Variants in SLURP2 observed in about 807,000 individuals in gnomAD.
The protein encoded by SLURP2 is secreted LY6/PLAUR domain containing 2.
In SLURP2, 4 loss-of-function variants were observed where a neutral mutation model predicts 9.8. The ratio of observed to expected loss-of-function variants is 0.41; its 90% CI spans 0.20 to 0.94. The LOEUF (loss-of-function observed/expected upper bound fraction) is 0.94, where lower values mean the gene tolerates loss of function less well. SLURP2 is among the 40% of genes least tolerant of loss of function. The pLI is 0.32. For missense variants in SLURP2, 118 were observed against 126.4 expected (o/e 0.93, Z 0.32); for synonymous variants, 58 against 56.2 (o/e 1.03, Z -0.15).
chr8:142,764,448 C>A lies in SLURP2; in HGVS notation c.*157G>T. ...GGCAGCAGATTGAGGCAAGACTCCA[C>A]GCAGGACTTCCCTAGGACAAGCGGT... On this transcript the variant is annotated 3_prime_UTR_variant, in exon 3 of 3. Coordinates refer to ENST00000317543, the MANE Select transcript of SLURP2 (RefSeq NM_177458.3). The A allele has an allele frequency of 1.2e-6, 1 of 824,402 alleles. No homozygotes were observed. Among genetic ancestry groups the A allele is most frequent in the Non-Finnish European group, 2.0e-6 (1 of 499,156 alleles). The allele number at this position is 824,402 out of a possible 1,614,324, so 51.1% of individuals were successfully genotyped here.
rs1346856667 is a variant in SLURP2, at chr8:142,764,560, G to C, written c.*45C>G. 6.3e-7 allele frequency: 1 copy of C among 1,587,582 alleles called. No homozygotes were observed. Among genetic ancestry groups the C allele is most frequent in the African/African-American group, 1.4e-5 (1 of 73,468 alleles). On this transcript the variant is annotated 3_prime_UTR_variant, in exon 3 of 3. Transcript: ENST00000317543. The stretch of plus-strand genomic sequence containing the variant: ...TGTGAGCCCTGGCGCCAGGCTGTGG[G>C]GGCTGTGGGGGCTGAGCGTCCGGGG...
chr8:142,764,765 TG>T, intron 2 of SLURP2, 24 bp from the exon 3 acceptor site: 1 of 1,610,816 alleles, frequency 6.2e-7, no homozygotes, highest in Non-Finnish European at 8.5e-7. Flanking sequence ...AGAGAAACCA[TG>T]GAGCTCCCTG....
intron 1 of SLURP2, 57 bp downstream of exon 1, chr8:142,769,698 G>A (rs1335937000): frequency 1.1e-5 from 16 of 1,509,442 alleles, no homozygotes; most frequent in Non-Finnish European, 1.3e-5. Flanking sequence ...AGGGACGGTG[G>A]TTGGGCTAGA....
In SLURP2 at chr8:142,765,037, G is replaced by C; in HGVS notation, c.156C>G (p.Thr52=). 1 of 1,609,078 alleles carries C rather than the reference G, an allele frequency of 6.2e-7. No individual in the cohort carries two copies. Among genetic ancestry groups the C allele is most frequent in the East Asian group, 2.2e-5 (1 of 44,808 alleles). The change falls in exon 2 of 3, where the codon ACC becomes ACG. Residue 52 remains threonine (T), a splice_region_variant and synonymous_variant. Transcript: ENST00000317543. ...RDSTHCVTTA[T]RVLSNTEDLP... ...CAGCCCACCACTGTTCCCACTTACG[G>C]GTGGCAGTGGTGACACAGTGGGTGG...
At chr8:142,765,271 G>T in intron 1 of SLURP2, 131 bp from the exon 2 acceptor site, 1 of 698,112 alleles carries the variant, frequency 1.4e-6, no homozygotes, top group Non-Finnish European at 2.4e-6. Context: ...TCCCGACCCT[G>T]TGATCCAGCC....
At chr8:142,769,351 C>T (rs973639488) in intron 1 of SLURP2, among the ~76,000 whole-genome samples, 2 of 151,688 alleles carry the variant, frequency 1.3e-5, no homozygotes, top group Non-Finnish European at 2.9e-5. Context: ...GAGGGAGTCC[C>T]GGGAGGGTGG....
rs771074451 is a variant in SLURP2 at position 142,769,816 on chromosome 8, G to A, written c.-10C>T. 2 of 1,588,948 alleles carry A rather than the reference G, an allele frequency of 1.3e-6. No individual in the cohort carries two copies. Among genetic ancestry groups the A allele is most frequent in the East Asian group, 4.5e-5 (2 of 44,088 alleles). ...CAGTGCCGAGCTGCATGTTCTCCTGGTGAGGTCGGGCTGTCGGCGCCCTGG... is the reference window on the plus strand; with the variant it reads ...CAGTGCCGAGCTGCATGTTCTCCTGATGAGGTCGGGCTGTCGGCGCCCTGG... On this transcript the variant is annotated 5_prime_UTR_variant, in exon 1 of 3. Coordinates refer to ENST00000317543, the MANE Select transcript of SLURP2 (RefSeq NM_177458.3).
chr8:142,769,067 G>A (rs587696267), intron 1 of SLURP2, among the ~76,000 whole-genome samples: 9 of 152,212 alleles, frequency 5.9e-5, no homozygotes, highest in Non-Finnish European at 8.8e-5. Flanking sequence ...AAGAGAAGAC[G>A]TTCAGGCTCT....
rs1035165161 is a variant in SLURP2, at chr8:142,764,855, C to T, written c.158-114G>A. On this transcript the variant is annotated intron_variant, in intron 2 of 2. Transcript: ENST00000317543. The stretch of plus-strand genomic sequence containing the variant: ...AGACGCCCCAGGTACATGAAGCATA[C>T]GGGCCCTCCTGGGGCAGACGTGGCC... The T allele has an allele frequency of 2.0e-5, 27 of 1,357,462 alleles. No homozygotes were observed. In the Middle Eastern group the frequency reaches 7.8e-4, roughly 39 times the overall value. The allele number at this position is 1,357,462 out of a possible 1,614,324, so 84.1% of individuals were successfully genotyped here.
intron 1 of SLURP2, among the ~76,000 whole-genome samples, chr8:142,769,479 G>A (rs1376091026): frequency 1.3e-5 from 2 of 149,244 alleles, no homozygotes; most frequent in African/African-American, 4.9e-5. Flanking sequence ...CGGTGGACTG[G>A]AGAGGTCTGG....
At chr8:142,767,319 G>A (rs1815037105) in intron 1 of SLURP2, among the ~76,000 whole-genome samples, 1 of 152,232 alleles carries the variant, frequency 6.6e-6, no homozygotes, top group East Asian at 1.9e-4. Flanking sequence ...CTGCCTCCAA[G>A]CCCCTCTCTG....
In SLURP2 at chr8:142,764,450, C is replaced by A; in HGVS notation, c.*155G>T. ...CAGCAGATTGAGGCAAGACTCCACG[C>A]AGGACTTCCCTAGGACAAGCGGTGC... On this transcript the variant is annotated 3_prime_UTR_variant, in exon 3 of 3. Coordinates refer to ENST00000317543, the MANE Select transcript of SLURP2 (RefSeq NM_177458.3). 1.2e-6 allele frequency: 1 copy of A among 833,016 alleles called. No individual in the cohort carries two copies. Among genetic ancestry groups the A allele is most frequent in the Non-Finnish European group, 2.0e-6 (1 of 506,298 alleles). The allele number at this position is 833,016 out of a possible 1,614,324, so 51.6% of individuals were successfully genotyped here. A position where few individuals can be genotyped will look rare whatever the true frequency, so the allele number is the denominator to read the frequency against.
At chr8:142,764,823 G>C in intron 2 of SLURP2, 82 bp from the exon 3 acceptor site, 1 of 1,534,620 alleles carries the variant, frequency 6.5e-7, no homozygotes, top group Non-Finnish European at 8.9e-7. Flanking sequence ...CCACTGAGCT[G>C]AGGGTCAGAC....
chr8:142,766,358 T>C (rs1815006404), intron 1 of SLURP2: 1 of 152,180 alleles, frequency 6.6e-6, no homozygotes, highest in Non-Finnish European at 1.5e-5. Context: ...TAACTCTTTG[T>C]TCAGAGCTCA....
intron 1 of SLURP2, 101 bp downstream of exon 1, chr8:142,769,654 T>G (rs1815114393): frequency 9.5e-7 from 1 of 1,047,710 alleles, no homozygotes; most frequent in African/African-American, 1.6e-5. Flanking sequence ...AGGAATGGGT[T>G]CTCCCGAGGT....
intron 1 of SLURP2, chr8:142,766,342 G>A (rs1815005044): frequency 6.6e-6 from 1 of 151,714 alleles, no homozygotes; most frequent in African/African-American, 2.4e-5. Flanking sequence ...TGCTTAAAAG[G>A]TAACTTAACT....
At chr8:142,767,834 C>T (rs928831237) in intron 1 of SLURP2, among the ~76,000 whole-genome samples, 7 of 152,074 alleles carry the variant, frequency 4.6e-5, no homozygotes, top group Admixed American at 1.3e-4. Flanking sequence ...GGCGTTCTAC[C>T]CATTCCTCAG....
rs1218670015 is a variant in SLURP2 at position 142,769,746 on chromosome 8, T to C, written c.52+9A>G. 2 of 1,600,438 alleles carry C rather than the reference T, an allele frequency of 1.2e-6. No homozygotes were observed. Among genetic ancestry groups the C allele is most frequent in the African/African-American group, 2.7e-5 (2 of 74,826 alleles). ...TTGAGCAGGAGGTGGCCCCAGCCCC[T>C]GGACTCACCCAGCTGCAGGCTCAGG... is the stretch of plus-strand genomic sequence containing the variant. On this transcript the variant is annotated intron_variant, in intron 1 of 2. Coordinates refer to ENST00000317543, the MANE Select transcript of SLURP2 (RefSeq NM_177458.3).
chr8:142,766,150 C>T (rs1815000133), intron 1 of SLURP2: 1 of 152,172 alleles, frequency 6.6e-6, no homozygotes, highest in Non-Finnish European at 1.5e-5. Context: ...GCTGTGGAGA[C>T]ACCGTTTCTC....
Sources: allele counts gnomAD v4.1 joint callset (sites outside exome capture counted in the v4.1 genomes callset), GRCh38; gene constraint gnomAD v4.1.1; transcripts MANE v1.5; gene names NCBI Gene and HGNC (gene_info 2026-07-23, HGNC 2026-07-21).